The following EDA variants were observed in gnomAD, a reference collection of about 807,000 sequenced individuals.
The protein encoded by EDA is ectodysplasin-A.
Under a neutral mutation model 23.6 loss-of-function variants are expected in EDA, and 2 were observed. The ratio of observed to expected loss-of-function variants is 0.08; its 90% CI spans 0.03 to 0.27. The LOEUF (loss-of-function observed/expected upper bound fraction) is 0.27. EDA is among the 10% of genes least tolerant of loss of function. The pLI is 1.00. For synonymous variants in EDA, 131 were observed against 132.0 expected, an observed-to-expected ratio of 0.99 and a Z score of 0.05; for missense variants, 229 against 324.2, an observed-to-expected ratio of 0.71 and a Z score of 2.26.
intron 1 of EDA, among the ~76,000 whole-genome samples, chrX:69,754,691 A>G (rs899256413): frequency 5.4e-5 from 6 of 111,728 alleles, no homozygotes; most frequent in African/African-American, 1.6e-4. Context: ...CGTCACTTTC[A>G]GGTACAGCAA....
chrX:69,654,727 C>G (rs1270469220), intron 1 of EDA, among the ~76,000 whole-genome samples: 1 of 96,883 alleles, frequency 1.0e-5, no homozygotes, highest in Non-Finnish European at 2.0e-5. Flanking sequence ...TGTTCTCACT[C>G]ATAGGTGGGA....
intron 1 of EDA, among the ~76,000 whole-genome samples, chrX:69,726,853 G>A (rs952860472): frequency 8.9e-6 from 1 of 112,197 alleles, no homozygotes; most frequent in African/African-American, 3.2e-5. Context: ...GAGTGCTTTT[G>A]GGCTCTGGCC....
Position 69,849,082 on chromosome X carries a change from TACACACACACACACACACACACAC to T in EDA, c.397-107917_397-107894del, listed in dbSNP as rs370800783. Among the ~76,000 whole-genome samples the T allele has an allele frequency of 1.3e-3, 74 of 57,029 alleles. 1 individual carries two copies. Among genetic ancestry groups the T allele is most frequent in the Non-Finnish European group, 1.6e-3 (34 of 21,505 alleles). The allele number at this position is 57,029 out of a possible 115,157, so 49.5% of individuals were successfully genotyped here. On this transcript the variant is annotated intron_variant, in intron 1 of 7. Transcript: ENST00000374552. Reference sequence around the variant, plus strand: ...TAATATAATGCACACAAAGTCTATATACACACACACACACACACACACACACACACACACACACACACACACACA... The same window carrying T: ...TAATATAATGCACACAAAGTCTATATACACACACACACACACACACACACA...
At chrX:70,035,301 G>GC in intron 7 of EDA, 57 bp from the exon 8 acceptor site, 1 of 1,169,059 alleles carries the variant, frequency 8.6e-7, no homozygotes, top group South Asian at 1.9e-5. Context: ...CACAGGGAGG[G>GC]CCCCCCACCC....
intron 1 of EDA, among the ~76,000 whole-genome samples, chrX:69,911,509 G>GTTTTAT (rs999342808): frequency 8.0e-5 from 9 of 111,835 alleles, no homozygotes; most frequent in Non-Finnish European, 1.5e-4. Context: ...CTGTATGCTT[G>GTTTTAT]TTTTATTCTC....
At chrX:69,904,862 C>A (rs766346281) in intron 1 of EDA, among the ~76,000 whole-genome samples, 19 of 111,982 alleles carry the variant, frequency 1.7e-4, no homozygotes, top group African/African-American at 5.5e-4. Flanking sequence ...GGATCTCATT[C>A]TTTTTTATAG....
At chrX:69,661,883 G>A (rs1933520926) in intron 1 of EDA, among the ~76,000 whole-genome samples, 1 of 111,724 alleles carries the variant, frequency 9.0e-6, no homozygotes, top group South Asian at 3.7e-4. Flanking sequence ...AATGTTATGG[G>A]ATACATATAC....
chrX:69,807,331 T>TG (rs1449932696), intron 1 of EDA, among the ~76,000 whole-genome samples: 1 of 104,537 alleles, frequency 9.6e-6, no homozygotes, highest in African/African-American at 3.5e-5. Context: ...GAGCTATTGC[T>TG]GGTAAAAGTG....
chrX:69,815,364 C>T (rs1037011714), intron 1 of EDA, among the ~76,000 whole-genome samples: 1 of 107,432 alleles, frequency 9.3e-6, no homozygotes, highest in Non-Finnish European at 1.9e-5. Flanking sequence ...CCTGCAGGAG[C>T]TTCAGCCACT....
intron 1 of EDA, among the ~76,000 whole-genome samples, chrX:69,831,970 T>C (rs769931232): frequency 5.4e-5 from 6 of 111,652 alleles, no homozygotes; most frequent in Non-Finnish European, 9.4e-5. Context: ...GCAAAAATTT[T>C]CTCCCATTCT....
chrX:69,787,920 C>T (rs1304866432), intron 1 of EDA, among the ~76,000 whole-genome samples: 1 of 111,951 alleles, frequency 8.9e-6, no homozygotes, highest in Non-Finnish European at 1.9e-5. Context: ...CCATCACTTT[C>T]AGGTACACCA....
intron 1 of EDA, among the ~76,000 whole-genome samples, chrX:69,926,408 T>A (rs963549624): frequency 1.6e-4 from 18 of 111,854 alleles, no homozygotes; most frequent in Non-Finnish European, 3.2e-4. Context: ...TTTAATTTCA[T>A]CATTTACCCA....
intron 1 of EDA, among the ~76,000 whole-genome samples, chrX:69,774,390 A>G (rs1252053257): frequency 9.0e-6 from 1 of 111,522 alleles, no homozygotes; most frequent in Non-Finnish European, 1.9e-5. Flanking sequence ...CAACTCAGAA[A>G]GTCTGCTAAT....
chrX:69,857,061 C>T (rs889874610), intron 1 of EDA, among the ~76,000 whole-genome samples: 4 of 111,490 alleles, frequency 3.6e-5, no homozygotes, highest in Admixed American at 9.6e-5. Flanking sequence ...AGGTGGGAGA[C>T]GAGGATCCAA....
intron 1 of EDA, among the ~76,000 whole-genome samples, chrX:69,777,144 T>TTGTTGTTG (rs374930096): frequency 0.15 from 15,787 of 106,721 alleles, 1,165 homozygotes; most frequent in Middle Eastern, 0.22. Flanking sequence ...GATTCTGGGT[T>TTGTTGTTG]TTGTTGTTGT....
intron 2 of EDA, among the ~76,000 whole-genome samples, chrX:70,014,160 A>C (rs756817966): frequency 2.7e-5 from 3 of 112,001 alleles, no homozygotes; most frequent in African/African-American, 9.7e-5. Flanking sequence ...TACAGCCAGC[A>C]CTCATGTAGG....
intron 1 of EDA, among the ~76,000 whole-genome samples, chrX:69,829,201 A>C (rs925794989): frequency 2.7e-5 from 3 of 112,282 alleles, no homozygotes; most frequent in Non-Finnish European, 5.6e-5. Flanking sequence ...CCTAGTTCCC[A>C]ACACAGTGCT....
intron 1 of EDA, among the ~76,000 whole-genome samples, chrX:69,810,728 C>G (rs1241152550): frequency 9.8e-6 from 1 of 102,422 alleles, no homozygotes; most frequent in African/African-American, 3.7e-5. Context: ...TGCACTCCAG[C>G]CTGGGCAACA....
At chrX:69,664,853 G>A (rs1174831607) in intron 1 of EDA, among the ~76,000 whole-genome samples, 5 of 111,968 alleles carry the variant, frequency 4.5e-5, no homozygotes, top group African/African-American at 6.5e-5. Context: ...GGGTCATATG[G>A]TAGTTCTATT....
Sources: gnomAD v4.1 joint callset for allele counts (sites outside exome capture counted in the v4.1 genomes callset) on GRCh38, gnomAD v4.1.1 for gene constraint, MANE v1.5 for transcripts, NCBI Gene and HGNC (gene_info 2026-07-23, HGNC 2026-07-21) for gene names.